Variants in UBA3 observed in about 807,000 individuals in gnomAD.
UBA3 encodes ubiquitin like modifier activating enzyme 3, also known as NEDD8-activating enzyme E1 catalytic subunit.
UBA3 carries 26 observed loss-of-function variants against 73.5 expected under a neutral mutation model. The ratio of observed to expected loss-of-function variants is 0.35; its 90% confidence interval spans 0.26 to 0.49. The LOEUF (loss-of-function observed/expected upper bound fraction) is 0.49, where lower values mean the gene tolerates loss of function less well. Among genes scored for constraint, UBA3 ranks in the 20% least tolerant of loss-of-function variants. UBA3 has a pLI of 0.98. For missense variants in UBA3, 495 were observed against 555.6 expected, an observed-to-expected ratio of 0.89 and a Z score of 1.10; for synonymous variants, 217 against 191.2, an observed-to-expected ratio of 1.13 and a Z score of -1.11.
At chr3:69,075,695 T>G (rs1283515541) in intron 3 of UBA3, among the ~76,000 whole-genome samples, 185 bp from the exon 4 acceptor site, 2 of 152,086 alleles carry the variant, frequency 1.3e-5, no homozygotes, top group Non-Finnish European at 2.9e-5. Context: ...ATTCTAAAAC[T>G]CTAATGATTT....
Position 69,080,331 on chromosome 3 carries a change from T to C in UBA3, c.20+3A>G. The C allele has an allele frequency of 6.2e-7, 1 of 1,601,094 alleles. No homozygotes were observed. Among genetic ancestry groups the C allele is most frequent in the Non-Finnish European group, 8.5e-7 (1 of 1,175,972 alleles). On this transcript the variant is annotated splice_donor_region_variant and intron_variant, in intron 1 of 17. Transcript: ENST00000361055. ...GGCGCGTCTGCAGAGCCCCGGTACT[T>C]ACGGCTCCTCGCCATCCGCCATATT...
At position 69,061,819 on chromosome 3, in the gene UBA3, G is replaced by A; in HGVS notation, c.905C>T (p.Thr302Ile). Reference protein sequence around the residue: ...YNIRGVTYRLTQGVVKRIIPA... With the variant: ...YNIRGVTYRLIQGVVKRIIPA... ...ATGACAATTTGCTGACTTACCTTGA[G>A]TGAGCCTATACGTAACACCCCTAAT... The change falls in exon 11 of 18, where the codon ACT becomes ATT. Residue 302 changes from threonine to isoleucine, a missense_variant. Transcript: ENST00000361055. The A allele has an allele frequency of 1.3e-6, 2 of 1,585,072 alleles. No individual in the cohort carries two copies. The highest frequency in any genetic ancestry group is 2.2e-5 in the East Asian group (1 of 44,648).
intron 5 of UBA3, among the ~76,000 whole-genome samples, chr3:69,068,651 C>A (rs1251689584): frequency 6.6e-6 from 1 of 151,834 alleles, no homozygotes; most frequent in Non-Finnish European, 1.5e-5. Flanking sequence ...GGTGCGATCT[C>A]GGCTCACTGC....
At chr3:69,077,022 T>C (rs1394516652) in intron 3 of UBA3, among the ~76,000 whole-genome samples, 6 of 149,878 alleles carry the variant, frequency 4.0e-5, no homozygotes, top group Non-Finnish European at 8.9e-5. Context: ...TCTTAAATTA[T>C]CAGGCAAAAA....
Position 69,080,072 on chromosome 3 carries a change from G to A in UBA3, c.62+40C>T, listed in dbSNP as rs1371392180. The A allele has an allele frequency of 1.9e-6, 3 of 1,596,034 alleles. No homozygotes were observed. In the East Asian group the frequency reaches 6.8e-5, roughly 36 times the overall value. ...CTAGGCCTGGGGTGGGGGGAGGCGG[G>A]GGTCCCCGGAGAGGGCCCCGGCCTC... is the stretch of plus-strand genomic sequence containing the variant. On this transcript the variant is annotated intron_variant, in intron 2 of 17. Transcript: ENST00000361055.
At chr3:69,070,642 G>C (rs2092113731) in intron 5 of UBA3, among the ~76,000 whole-genome samples, 1 of 151,958 alleles carries the variant, frequency 6.6e-6, no homozygotes, top group Non-Finnish European at 1.5e-5. Context: ...TTCAGTTTTT[G>C]TTTTTTGGGT....
intron 11 of UBA3, among the ~76,000 whole-genome samples, chr3:69,058,655 G>A (rs753822931): frequency 3.3e-5 from 5 of 152,196 alleles, no homozygotes; most frequent in Admixed American, 6.5e-5. Context: ...ACAGTGAAGC[G>A]TGTAAGAGAC....
chr3:69,071,318 A>C, intron 5 of UBA3: 1 of 408,394 alleles, frequency 2.4e-6, no homozygotes, highest in Non-Finnish European at 4.3e-6. Flanking sequence ...CTTCGAAAAA[A>C]CAAAAACATG....
intron 2 of UBA3, among the ~76,000 whole-genome samples, chr3:69,078,936 A>C (rs2092194252): frequency 6.6e-6 from 1 of 152,240 alleles, no homozygotes; most frequent in Non-Finnish European, 1.5e-5. Flanking sequence ...CATCTATTTT[A>C]TACTTAGTTA....
chr3:69,056,072 T>G lies in UBA3; in HGVS notation c.1185-9A>C. 2 of 1,593,638 alleles carry G rather than the reference T, an allele frequency of 1.3e-6. No individual in the cohort carries two copies. The highest frequency in any genetic ancestry group is 1.7e-6 in the Non-Finnish European group (2 of 1,174,158). ...CTGGAGATTTCATTTGCCTAAAGAT[T>G]ATGATGAGAGAGAAGTATCAAACAT... On this transcript the variant is annotated splice_polypyrimidine_tract_variant and intron_variant, in intron 15 of 17. Transcript: ENST00000361055.
At chr3:69,079,759 T>G (rs886559802) in intron 2 of UBA3, 60 of 298,002 alleles carry the variant, frequency 2.0e-4, no homozygotes, top group Non-Finnish European at 2.4e-4. Context: ...CCTTTTCCTG[T>G]GTGTTTAAGG....
Position 69,077,921 on chromosome 3 carries a change from G to A in UBA3, c.63-3C>T, listed in dbSNP as rs773713088. 2 of 1,612,888 alleles carry A rather than the reference G, an allele frequency of 1.2e-6. No homozygotes were observed. Among genetic ancestry groups the A allele is most frequent in the Non-Finnish European group, 1.7e-6 (2 of 1,179,716 alleles). ...CACACCCACCATCAACAGCCATTCTGCACAGAACACAGTAAATTCAGCTGC... is the reference window on the plus strand; with the variant it reads ...CACACCCACCATCAACAGCCATTCTACACAGAACACAGTAAATTCAGCTGC... On this transcript the variant is annotated splice_region_variant and splice_polypyrimidine_tract_variant and intron_variant, in intron 2 of 17. Coordinates refer to ENST00000361055, the MANE Select transcript of UBA3 (RefSeq NM_003968.4).
chr3:69,057,297 C>G lies in UBA3; in HGVS notation c.923G>C (p.Arg308Thr). The change falls in exon 12 of 18, where the codon AGA becomes ACA. Residue 308 changes from arginine to threonine, a missense_variant. By Grantham distance (71) the Arg-to-Thr change is moderately conservative (BLOSUM62 -1). Coordinates refer to ENST00000361055, the MANE Select transcript of UBA3 (RefSeq NM_003968.4). ...TYRLTQGVVK[R>T]IIPAVASTNA... ...TGTGGAAGCTACTGCAGGAATGATT[C>G]TTTTTACTACCCCTGAAAAAACATA... is the stretch of plus-strand genomic sequence containing the variant. 3 of 1,610,286 alleles carry G rather than the reference C, an allele frequency of 1.9e-6. No individual in the cohort carries two copies. Among genetic ancestry groups the G allele is most frequent in the Non-Finnish European group, 2.5e-6 (3 of 1,178,788 alleles).
Position 69,075,366 on chromosome 3 carries a change from A to G in UBA3, c.264+64T>C, listed in dbSNP as rs553956598. 108 of 780,090 alleles carry G rather than the reference A, an allele frequency of 1.4e-4. 1 individual carries two copies. The South Asian group carries it at 3.6e-3, about 26-fold the overall frequency. The allele number at this position is 780,090 out of a possible 1,614,324, so 48.3% of individuals were successfully genotyped here. A position where few individuals can be genotyped will look rare whatever the true frequency, so the allele number is the denominator to read the frequency against. ...CACGAGAAATTCCCTAGTATGACAG[A>G]TAAGTAAGGTTTACTTATCACAAAG... On this transcript the variant is annotated intron_variant, in intron 4 of 17. Transcript: ENST00000361055.
chr3:69,069,649 G>C (rs1247180479), intron 5 of UBA3, among the ~76,000 whole-genome samples: 1 of 151,972 alleles, frequency 6.6e-6, no homozygotes, highest in Non-Finnish European at 1.5e-5. Context: ...CTCCAATAAA[G>C]CACTGTTCTT....
rs138831521 is a variant in UBA3 at position 69,077,027 on chromosome 3, C to CAA, written c.183+769_183+770dup. On this transcript the variant is annotated intron_variant, in intron 3 of 17. Transcript: ENST00000361055. The stretch of plus-strand genomic sequence containing the variant: ...GAAGTAACAATCTTAAATTATCAGG[C>CAA]AAAAAAAAAAATTTAGAAGCACAAG... Among the ~76,000 whole-genome samples, 1,368 of 138,874 alleles carry CAA rather than the reference C, an allele frequency of 9.9e-3. 11 individuals are homozygous for CAA. Among genetic ancestry groups the CAA allele is most frequent in the Middle Eastern group, 0.055 (15 of 272 alleles). The allele number at this position is 138,874 out of a possible 152,430, so 91.1% of individuals were successfully genotyped here.
chr3:69,061,588 G>A (rs2092021562), intron 11 of UBA3: 1 of 413,710 alleles, frequency 2.4e-6, no homozygotes, highest in Non-Finnish European at 4.3e-6. Flanking sequence ...GAATTCAGTG[G>A]AAGATAAAAT....
intron 4 of UBA3, among the ~76,000 whole-genome samples, chr3:69,074,351 TACTGCTATTTATTTCATGTGAG>T (rs1228039675): frequency 1.3e-5 from 2 of 152,236 alleles, no homozygotes; most frequent in African/African-American, 4.8e-5. Flanking sequence ...ATATCATGCA[TACTGCTATTTATTTCATGTGAG>T]ATTTATCTCC....
At chr3:69,080,054 T>A in intron 2 of UBA3, 58 bp downstream of exon 2, 1 of 1,543,546 alleles carries the variant, frequency 6.5e-7, no homozygotes, top group Admixed American at 1.7e-5. Context: ...CCCCTAGGCC[T>A]GGGGTGGGGG....
Sources: gnomAD v4.1 joint callset for allele counts (sites outside exome capture counted in the v4.1 genomes callset) on GRCh38, gnomAD v4.1.1 for gene constraint, MANE v1.5 for transcripts, NCBI Gene and HGNC (gene_info 2026-07-23, HGNC 2026-07-21) for gene names.